IGF2BP2: variants seen among roughly 807,000 people sequenced by gnomAD.
The protein encoded by IGF2BP2 is insulin like growth factor 2 mRNA binding protein 2.
A neutral mutation model predicts 75.8 loss-of-function variants in IGF2BP2; 17 were observed. The ratio of observed to expected loss-of-function variants is 0.22; its 90% CI spans 0.15 to 0.34. The LOEUF (loss-of-function observed/expected upper bound fraction) is 0.34. Among genes scored for constraint, IGF2BP2 ranks in the 10% least tolerant of loss-of-function variants. The pLI is 1.00. For synonymous variants in IGF2BP2, 288 were observed against 295.6 expected (o/e 0.97, Z 0.26); for missense variants, 516 against 772.4 (o/e 0.67, Z 3.93).
intron 2 of IGF2BP2, among the ~76,000 whole-genome samples, chr3:185,719,435 C>A (rs1360000462): frequency 6.6e-6 from 1 of 152,208 alleles, no homozygotes; most frequent in Non-Finnish European, 1.5e-5. Context: ...CAGAGCTCTT[C>A]CTTCATGTGC....
intron 2 of IGF2BP2, among the ~76,000 whole-genome samples, chr3:185,773,719 T>G (rs964610769): frequency 2.6e-5 from 4 of 152,208 alleles, no homozygotes; most frequent in African/African-American, 9.7e-5. Context: ...TTTGATCAAC[T>G]CATCTTCTCA....
In IGF2BP2 at chr3:185,657,445, C is replaced by T. The variant is rs775035146; in HGVS notation, c.1270-43G>A. The T allele has an allele frequency of 2.6e-5, 38 of 1,471,106 alleles. No homozygotes were observed. The East Asian group carries it at 7.7e-4, about 30-fold the overall frequency. The allele number at this position is 1,471,106 out of a possible 1,614,324, so 91.1% of individuals were successfully genotyped here. On this transcript the variant is annotated intron_variant, in intron 11 of 15. Transcript: ENST00000382199. ...GAAAGAAGACATCATTCCAACCAGG[C>T]TTTCTCCTCCAGGCACTCAACAGGT...
At chr3:185,716,699 T>C (rs1361416553) in intron 2 of IGF2BP2, 2 of 520,104 alleles carry the variant, frequency 3.8e-6, no homozygotes, top group Admixed American at 1.9e-5. Context: ...CTCAGGGCCA[T>C]GGTGGTGCAT....
rs770730727 is a variant in IGF2BP2, at chr3:185,689,607, C to T, written c.425G>A (p.Gly142Glu). The change falls in exon 6 of 16, where the codon GGG becomes GAG. Residue 142 changes from glycine (G) to glutamate (E), a missense_variant. Physicochemically the swap from Gly to Glu is moderately conservative, Grantham distance 98. Around this residue, in one of 3 missense-constraint regions of IGF2BP2, gnomAD observed 312 missense variants for 474.5 expected, o/e 0.66. Coordinates refer to ENST00000382199, the MANE Select transcript of IGF2BP2 (RefSeq NM_006548.6). ...EAKIAMEKLS[G>E]HQFENYSFKI... ...GAAGGAGTAGTTCTCAAACTGATGCCCGCTTAGCTTCTCCATGGCTCTGAA... is the reference window on the plus strand; with the variant it reads ...GAAGGAGTAGTTCTCAAACTGATGCTCGCTTAGCTTCTCCATGGCTCTGAA... 1 of 1,614,100 alleles carries T rather than the reference C, an allele frequency of 6.2e-7. No individual in the cohort carries two copies. Among genetic ancestry groups the T allele is most frequent in the South Asian group, 1.1e-5 (1 of 91,082 alleles).
At chr3:185,720,831 T>C (rs1329153367) in intron 2 of IGF2BP2, among the ~76,000 whole-genome samples, 1 of 152,242 alleles carries the variant, frequency 6.6e-6, no homozygotes, top group African/African-American at 2.4e-5. Context: ...GTCATTATGC[T>C]TTACATAATC....
At position 185,745,234 on chromosome 3, in the gene IGF2BP2, G is replaced by A. The variant is rs915127731; in HGVS notation, c.240-46887C>T. 1.5e-4 allele frequency among the ~76,000 whole-genome samples: 23 copies of A among 152,278 alleles called. No homozygotes were observed. The East Asian group carries it at 3.7e-3, about 24-fold the overall frequency. On this transcript the variant is annotated intron_variant, in intron 2 of 15. Coordinates refer to ENST00000382199, the MANE Select transcript of IGF2BP2 (RefSeq NM_006548.6). ...GAACTCTCTGCAATCCTAAATAGAG[G>A]AATGGTCGACCAAGTTCAAGGTTAA... is the stretch of plus-strand genomic sequence containing the variant.
chr3:185,648,062 G>A (rs189357059), intron 14 of IGF2BP2, among the ~76,000 whole-genome samples: 19 of 151,638 alleles, frequency 1.3e-4, no homozygotes, highest in Admixed American at 3.3e-4. Context: ...TTCTGGAGAC[G>A]GGGAATCCTT....
chr3:185,705,317 G>A (rs191320972), intron 2 of IGF2BP2, among the ~76,000 whole-genome samples: 7 of 152,086 alleles, frequency 4.6e-5, no homozygotes, highest in Middle Eastern at 3.4e-3. Context: ...GGGTGGTCTC[G>A]ATCTCCTGAC....
At chr3:185,668,535 T>C (rs1718032591) in intron 10 of IGF2BP2, among the ~76,000 whole-genome samples, 1 of 123,458 alleles carries the variant, frequency 8.1e-6, no homozygotes, top group Admixed American at 7.7e-5. Context: ...ATATATATAG[T>C]GTACTACATA....
intron 2 of IGF2BP2, among the ~76,000 whole-genome samples, chr3:185,745,655 C>G (rs915311089): frequency 6.6e-6 from 1 of 152,174 alleles, no homozygotes; most frequent in African/African-American, 2.4e-5. Flanking sequence ...CCCACAACTC[C>G]CACTTCTATT....
At chr3:185,769,186 T>G (rs1003178351) in intron 2 of IGF2BP2, among the ~76,000 whole-genome samples, 1 of 151,944 alleles carries the variant, frequency 6.6e-6, no homozygotes, top group Non-Finnish European at 1.5e-5. Context: ...TCTATAAAAA[T>G]TTTTAAAAAT....
intron 2 of IGF2BP2, among the ~76,000 whole-genome samples, chr3:185,789,727 A>AT (rs10602691): frequency 0.024 from 2,628 of 111,530 alleles, 42 homozygotes; most frequent in East Asian, 0.075. Context: ...ACAACCAGGA[A>AT]TTTTTTTTTT....
chr3:185,649,325 G>T, intron 14 of IGF2BP2, 78 bp downstream of exon 14: 1 of 1,564,086 alleles, frequency 6.4e-7, no homozygotes. Flanking sequence ...AGGCGCCAAG[G>T]GGAGACTGAG....
At position 185,804,625 on chromosome 3, in the gene IGF2BP2, C is replaced by G. The variant is rs550525658; in HGVS notation, c.239+18528G>C. On this transcript the variant is annotated intron_variant, in intron 2 of 15. Transcript: ENST00000382199. ...ATTTTTTAAAATCTGCCCATTCAGG[C>G]ATTCTACTAATTATCACTGCTCTTC... Among the ~76,000 whole-genome samples the G allele has an allele frequency of 8.5e-5, 13 of 152,200 alleles. No individual in the cohort carries two copies. The South Asian group carries it at 2.7e-3, about 32-fold the overall frequency.
chr3:185,715,651 C>T (rs180743875), intron 2 of IGF2BP2, among the ~76,000 whole-genome samples: 9,405 of 148,026 alleles, frequency 0.064, 387 homozygotes, highest in Middle Eastern at 0.14. Context: ...TTCTTTCTTT[C>T]TTTTTTTTTG....
intron 12 of IGF2BP2, among the ~76,000 whole-genome samples, chr3:185,654,805 CAGCATCTGGA>C (rs1282658265): frequency 3.9e-5 from 6 of 152,204 alleles, no homozygotes; most frequent in African/African-American, 1.4e-4. Context: ...GAATTTTGTG[CAGCATCTGGA>C]AGCCTGTTCT....
chr3:185,774,675 T>C (rs1734314547), intron 2 of IGF2BP2, among the ~76,000 whole-genome samples: 2 of 151,588 alleles, frequency 1.3e-5, no homozygotes. Context: ...TTCCCATTGA[T>C]AAATAAGTCT....
chr3:185,696,367 T>C, intron 4 of IGF2BP2: 1 of 520,600 alleles, frequency 1.9e-6, no homozygotes. Context: ...CACTGCACAG[T>C]ATATGAGAAA....
chr3:185,677,602 C>T (rs1049038600), intron 7 of IGF2BP2, among the ~76,000 whole-genome samples: 2 of 152,112 alleles, frequency 1.3e-5, no homozygotes, highest in Non-Finnish European at 2.9e-5. Context: ...CAAAATAAAA[C>T]TCCAAATACT....
Sources: allele counts gnomAD v4.1 joint callset (sites outside exome capture counted in the v4.1 genomes callset), GRCh38; gene constraint gnomAD v4.1.1; regional missense constraint gnomAD v4.1.1; transcripts MANE v1.5; gene names NCBI Gene and HGNC (gene_info 2026-07-23, HGNC 2026-07-21).